Variants in ABL1 observed in about 807,000 individuals in gnomAD.
ABL1 encodes ABL proto-oncogene 1, non-receptor tyrosine kinase.
A neutral mutation model predicts 94.7 loss-of-function variants in ABL1; 11 were observed. The ratio of observed to expected loss-of-function variants is 0.12; its 90% CI spans 0.07 to 0.19. The LOEUF is 0.19. Ranked by LOEUF, ABL1 falls within the 10% of genes least tolerant of loss-of-function variation. The pLI is 1.00. For missense variants in ABL1, 1,082 were observed against 1,489.4 expected (o/e 0.73, Z 4.50); for synonymous variants, 656 against 622.4 (o/e 1.05, Z -0.80).
At chr9:130,783,876 G>A (rs1268976751) in intron 1 of ABL1, among the ~76,000 whole-genome samples, 1 of 151,956 alleles carries the variant, frequency 6.6e-6, no homozygotes, top group Non-Finnish European at 1.5e-5. Context: ...GGCTGGTCTC[G>A]AACTCCTGAG....
intron 1 of ABL1, among the ~76,000 whole-genome samples, chr9:130,752,976 G>T (rs1831985659): frequency 6.7e-6 from 1 of 149,298 alleles, no homozygotes; most frequent in Non-Finnish European, 1.5e-5. Flanking sequence ...AAAAAAAAGG[G>T]CTGGGCGCAG....
At chr9:130,811,729 T>C (rs1348429525) in intron 1 of ABL1, among the ~76,000 whole-genome samples, 1 of 151,212 alleles carries the variant, frequency 6.6e-6, no homozygotes, top group Non-Finnish European at 1.5e-5. Flanking sequence ...ACCAACAGGG[T>C]GAAACTTTGT....
chr9:130,823,275 TC>T (rs759853828), intron 1 of ABL1, among the ~76,000 whole-genome samples: 29 of 152,296 alleles, frequency 1.9e-4, no homozygotes, highest in Non-Finnish European at 4.1e-4. Context: ...TTTGGGTCAC[TC>T]TTCAATTTTC....
intron 1 of ABL1, among the ~76,000 whole-genome samples, chr9:130,841,403 G>A (rs1409263308): frequency 1.3e-5 from 2 of 151,854 alleles, no homozygotes; most frequent in African/African-American, 4.8e-5. Context: ...CACTGCACCG[G>A]GCCAAAAATC....
chr9:130,824,215 T>C (rs531934130), intron 1 of ABL1, among the ~76,000 whole-genome samples: 18 of 152,114 alleles, frequency 1.2e-4, no homozygotes, highest in Non-Finnish European at 2.1e-4. Flanking sequence ...GCTGCTGGTG[T>C]AGTTTGAAGG....
At position 130,841,475 on chromosome 9, in the gene ABL1, A is replaced by G. The variant is rs143408380; in HGVS notation, c.79+5950A>G. 4.7e-3 allele frequency among the ~76,000 whole-genome samples: 719 copies of G among 152,164 alleles called. 5 individuals carry two copies. Among genetic ancestry groups the G allele is most frequent in the African/African-American group, 0.017 (690 of 41,548 alleles). ...GCCACATTCAAAGCCGTCCTGGGCC[A>G]TATGCAGCCCGTGGGCCATGGGTTG... On this transcript the variant is annotated intron_variant, in intron 1 of 10. Coordinates refer to ENST00000318560, the MANE Select transcript of ABL1 (RefSeq NM_005157.6).
chr9:130,723,616 C>G (rs1369470377), intron 1 of ABL1, among the ~76,000 whole-genome samples: 3 of 151,962 alleles, frequency 2.0e-5, no homozygotes, highest in Non-Finnish European at 2.9e-5. Flanking sequence ...TTCCAGTCCC[C>G]CCTCCCTTCT....
At chr9:130,799,809 G>A (rs1352364025) in intron 1 of ABL1, among the ~76,000 whole-genome samples, 8 of 152,032 alleles carry the variant, frequency 5.3e-5, no homozygotes, top group African/African-American at 1.4e-4. Flanking sequence ...AATAATGGAC[G>A]CTACCTTGAC....
Position 130,877,621 on chromosome 9 carries a change from T to C in ABL1, c.1271-794T>C, listed in dbSNP as rs1831369494. On this transcript the variant is annotated intron_variant, in intron 7 of 10. Coordinates refer to ENST00000318560, the MANE Select transcript of ABL1 (RefSeq NM_005157.6). ...GTTTGTGGGGTAAGTTTACTGAGTC[T>C]TGTTCTGTCCTGGTCTCCTTTTTTT... 1.4e-5 allele frequency among the ~76,000 whole-genome samples: 2 copies of C among 147,216 alleles called. 1 individual carries two copies. The highest frequency in any genetic ancestry group is 3.0e-5 in the Non-Finnish European group (2 of 67,056).
chr9:130,835,636 C>A lies in ABL1; in HGVS notation c.79+111C>A. The A allele has an allele frequency of 1.3e-6, 1 of 765,846 alleles. No individual in the cohort carries two copies. The highest frequency in any genetic ancestry group is 1.6e-5 in the South Asian group (1 of 62,706). 47.4% of individuals were successfully genotyped at this position (765,846 alleles called of 1,614,324 possible). ...GCTCCCGCCTGCGCCCTCCCCGGGT[C>A]TTGTCTTTTTTTTCTTTCTTCCCTC... On this transcript the variant is annotated intron_variant, in intron 1 of 10. Coordinates refer to ENST00000318560, the MANE Select transcript of ABL1 (RefSeq NM_005157.6). The surrounding 1 kb of genome is among the most constrained non-coding windows in gnomAD (Gnocchi z 4.6).
chr9:130,752,227 A>G (rs566651833), intron 1 of ABL1, among the ~76,000 whole-genome samples: 46 of 152,310 alleles, frequency 3.0e-4, no homozygotes, highest in African/African-American at 1.0e-3. Flanking sequence ...GCAGGCCTAG[A>G]TGTGAATCCT....
chr9:130,750,948 A>G (rs1289048461), intron 1 of ABL1, among the ~76,000 whole-genome samples: 2 of 151,216 alleles, frequency 1.3e-5, no homozygotes, highest in African/African-American at 2.4e-5. Context: ...CCCGGCCTAC[A>G]TGGCTCTTTT....
intron 1 of ABL1, among the ~76,000 whole-genome samples, chr9:130,818,138 T>C (rs1830314017): frequency 6.6e-6 from 1 of 152,156 alleles, no homozygotes; most frequent in Non-Finnish European, 1.5e-5. Flanking sequence ...CTCTTAACAG[T>C]ATCTTTAGAA....
chr9:130,822,566 G>C (rs1262239183), intron 1 of ABL1, among the ~76,000 whole-genome samples: 3 of 151,464 alleles, frequency 2.0e-5, no homozygotes, highest in Non-Finnish European at 4.4e-5. Flanking sequence ...AGTGTACCAG[G>C]GGTTGTCTGT....
rs1185776078 is a variant in ABL1, at chr9:130,835,738, CTT to C, written c.79+214_79+215del. Among the ~76,000 whole-genome samples, 3 of 135,770 alleles carry C rather than the reference CTT, an allele frequency of 2.2e-5. No homozygotes were observed. Among genetic ancestry groups the C allele is most frequent in the South Asian group, 5.2e-4 (2 of 3,878 alleles). 89.1% of individuals were successfully genotyped at this position (135,770 alleles called of 152,430 possible). On this transcript the variant is annotated intron_variant, in intron 1 of 10. Transcript: ENST00000318560. This position sits in a 1 kb window ranked among gnomAD's most constrained non-coding sequence, Gnocchi z 4.6. ...TCTGTGTCTGTCTCTTTTCTCTTCT[CTT>C]GTCTCTCTCTTTTTCTCTCTCTCTG...
At chr9:130,839,134 C>T (rs1433827543) in intron 1 of ABL1, among the ~76,000 whole-genome samples, 1 of 151,416 alleles carries the variant, frequency 6.6e-6, no homozygotes, top group Non-Finnish European at 1.5e-5. Context: ...TTTGCCCGGG[C>T]CAAGCCAGTG....
chr9:130,818,707 G>A (rs1044979913), intron 1 of ABL1, among the ~76,000 whole-genome samples: 18 of 152,270 alleles, frequency 1.2e-4, no homozygotes, highest in Middle Eastern at 3.4e-3. Context: ...GGTTTCGGAT[G>A]TTCTAGCACC....
intron 1 of ABL1, among the ~76,000 whole-genome samples, chr9:130,793,331 C>T (rs1321355604): frequency 5.3e-5 from 8 of 152,244 alleles, no homozygotes. Flanking sequence ...TTCCATAGAT[C>T]TATTTGCCCA....
chr9:130,756,177 T>G (rs570054329), intron 1 of ABL1, among the ~76,000 whole-genome samples: 1 of 152,308 alleles, frequency 6.6e-6, no homozygotes, highest in Non-Finnish European at 1.5e-5. Context: ...TATACTGATT[T>G]AGAAAGGCAG....
Sources: gnomAD v4.1 joint callset for allele counts (sites outside exome capture counted in the v4.1 genomes callset) on GRCh38, gnomAD v4.1.1 for gene constraint, Gnocchi (gnomAD v3.1) non-coding constraint, MANE v1.5 for transcripts, NCBI Gene and HGNC (gene_info 2026-07-23, HGNC 2026-07-21) for gene names.